The following XXYLT1 variants were observed in gnomAD, a reference collection of about 807,000 sequenced individuals.
The protein encoded by XXYLT1 is UDP-xylose:alpha-xyloside alpha-1,3-xylosyltransferase.
XXYLT1 carries 20 observed loss-of-function variants against 28.9 expected under a neutral mutation model. That is an observed-to-expected ratio of 0.69 (90% CI 0.49 to 1.00). The LOEUF is 1.00. XXYLT1 is among the 50% of genes least tolerant of loss of function. The pLI is 0.00. For missense variants in XXYLT1, 542 were observed against 560.1 expected, an observed-to-expected ratio of 0.97 and a Z score of 0.33; for synonymous variants, 257 against 253.8, an observed-to-expected ratio of 1.01 and a Z score of -0.12.
chr3:195,071,859 G>C (rs193102978), intron 3 of XXYLT1, among the ~76,000 whole-genome samples: 10 of 152,120 alleles, frequency 6.6e-5, no homozygotes, highest in African/African-American at 2.4e-4. Context: ...CAAGGAGCTC[G>C]ATTTACCCTT....
In XXYLT1 at chr3:195,195,501, C is replaced by T. The variant is rs981170865; in HGVS notation, c.652+31208G>A. Among the ~76,000 whole-genome samples the T allele has an allele frequency of 6.6e-6, 1 of 152,150 alleles. No homozygotes were observed. Among genetic ancestry groups the T allele is most frequent in the Non-Finnish European group, 1.5e-5 (1 of 68,032 alleles). On this transcript the variant is annotated intron_variant, in intron 2 of 3. Transcript: ENST00000310380. The surrounding 1 kb of genome is among the most constrained non-coding windows in gnomAD (Gnocchi z 4.4). Reference sequence around the variant, plus strand: ...TTCTTCCACTGGACAGAGCCTCTTTCAGCTTTAAAAAAATAAAAGGACTCT... The same window carrying T: ...TTCTTCCACTGGACAGAGCCTCTTTTAGCTTTAAAAAAATAAAAGGACTCT...
chr3:195,099,374 T>C (rs912480100), intron 3 of XXYLT1, among the ~76,000 whole-genome samples: 3 of 152,034 alleles, frequency 2.0e-5, no homozygotes, highest in African/African-American at 4.8e-5. Context: ...AGCACACACA[T>C]TACAGTGCCT....
At chr3:195,106,435 C>T (rs1717091008) in intron 3 of XXYLT1, among the ~76,000 whole-genome samples, 1 of 152,094 alleles carries the variant, frequency 6.6e-6, no homozygotes, top group African/African-American at 2.4e-5. Context: ...CCGCACACAC[C>T]CTCTCTCACT....
chr3:195,074,254 C>A (rs1460335158), intron 3 of XXYLT1, among the ~76,000 whole-genome samples: 2 of 152,212 alleles, frequency 1.3e-5, no homozygotes, highest in African/African-American at 2.4e-5. Flanking sequence ...AGGCTGTAGA[C>A]TGTCAGGCAA....
intron 1 of XXYLT1, among the ~76,000 whole-genome samples, chr3:195,252,741 G>C (rs1372563313): frequency 2.0e-5 from 3 of 150,144 alleles, no homozygotes; most frequent in South Asian, 2.1e-4. Flanking sequence ...GAGAGAGAGA[G>C]AGAGAGAGAG....
intron 1 of XXYLT1, among the ~76,000 whole-genome samples, chr3:195,244,741 G>A (rs1174067845): frequency 3.7e-4 from 41 of 109,452 alleles, no homozygotes; most frequent in East Asian, 2.9e-4. Flanking sequence ...CAGCCTGGGC[G>A]ACAGAGCAAG....
At position 195,270,281 on chromosome 3, in the gene XXYLT1, G is replaced by A. The variant is rs1725974421; in HGVS notation, c.504+274C>T. ...CAACGTTAGCAAAATGGGGGCGCGCGGACTCTCCTGGGGGCTGCGCTTAAC... is the reference window on the plus strand; with the variant it reads ...CAACGTTAGCAAAATGGGGGCGCGCAGACTCTCCTGGGGGCTGCGCTTAAC... On this transcript the variant is annotated intron_variant, in intron 1 of 3. Transcript: ENST00000310380. 5.8e-6 allele frequency: 4 copies of A among 686,606 alleles called. No homozygotes were observed. The African/African-American group carries it at 7.4e-5, about 13-fold the overall frequency. 42.5% of individuals were successfully genotyped at this position (686,606 alleles called of 1,614,324 possible).
chr3:195,198,629 T>G (rs1377325479), intron 2 of XXYLT1, among the ~76,000 whole-genome samples: 1 of 152,170 alleles, frequency 6.6e-6, no homozygotes, highest in Admixed American at 6.5e-5. Context: ...CACAAACTGA[T>G]AGTATTATTT....
At position 195,173,196 on chromosome 3, in the gene XXYLT1, C is replaced by T. The variant is rs1029299190; in HGVS notation, c.653-16615G>A. The stretch of plus-strand genomic sequence containing the variant: ...GCTCACCCTGAGAGATGTCATAGAG[C>T]TCTCCCACTAGGGAACCGCATCTCC... On this transcript the variant is annotated intron_variant, in intron 2 of 3. Transcript: ENST00000310380. This position sits in a 1 kb window ranked among gnomAD's most constrained non-coding sequence, Gnocchi z 4.3. Among the ~76,000 whole-genome samples, 3 of 152,230 alleles carry T rather than the reference C, an allele frequency of 2.0e-5. No homozygotes were observed. Among genetic ancestry groups the T allele is most frequent in the Admixed American group, 1.3e-4 (2 of 15,280 alleles).
chr3:195,218,954 GC>G (rs1222576047), intron 2 of XXYLT1, among the ~76,000 whole-genome samples: 1 of 151,146 alleles, frequency 6.6e-6, no homozygotes, highest in African/African-American at 2.4e-5. Flanking sequence ...AGAAAATGTG[GC>G]ACATATACAC....
chr3:195,222,704 T>C (rs145300405), intron 2 of XXYLT1, among the ~76,000 whole-genome samples: 29 of 152,136 alleles, frequency 1.9e-4, no homozygotes, highest in Admixed American at 1.7e-3. Flanking sequence ...ATTCAAAAAA[T>C]TTTCAAAGAC....
At chr3:195,229,333 AATC>A in intron 1 of XXYLT1, among the ~76,000 whole-genome samples, 1 of 152,206 alleles carries the variant, frequency 6.6e-6, no homozygotes, top group Non-Finnish European at 1.5e-5. Flanking sequence ...AATGCATAAT[AATC>A]ATATCAAGGT....
At chr3:195,186,368 A>C (rs1722196528) in intron 2 of XXYLT1, among the ~76,000 whole-genome samples, 1 of 152,158 alleles carries the variant, frequency 6.6e-6, no homozygotes, top group Non-Finnish European at 1.5e-5. Flanking sequence ...TGCAAATCCC[A>C]CTGTCCCCAG....
At chr3:195,101,948 AGGGAG>A (rs1270455579) in intron 3 of XXYLT1, among the ~76,000 whole-genome samples, 2 of 74,210 alleles carry the variant, frequency 2.7e-5, no homozygotes, top group African/African-American at 1.2e-4. Context: ...GGGAAGGGAA[AGGGAG>A]GGGAGGGGAG....
At chr3:195,267,898 A>G (rs534090612) in intron 1 of XXYLT1, among the ~76,000 whole-genome samples, 12 of 152,346 alleles carry the variant, frequency 7.9e-5, no homozygotes, top group Admixed American at 4.6e-4. Flanking sequence ...TTAAATCACA[A>G]GTAAAATGAA....
intron 2 of XXYLT1, among the ~76,000 whole-genome samples, chr3:195,158,071 G>C (rs1720694728): frequency 6.6e-6 from 1 of 152,164 alleles, no homozygotes; most frequent in Non-Finnish European, 1.5e-5. Flanking sequence ...GGATAATTTT[G>C]CTCTAACTAA....
intron 3 of XXYLT1, among the ~76,000 whole-genome samples, chr3:195,119,579 C>T (rs1237227713): frequency 6.6e-6 from 1 of 152,060 alleles, no homozygotes; most frequent in Non-Finnish European, 1.5e-5. Flanking sequence ...ACTCCTAGCC[C>T]GGGCCCCGCA....
rs1721503321 is a variant in XXYLT1, at chr3:195,173,344, C to T, written c.653-16763G>A. 6.6e-6 allele frequency among the ~76,000 whole-genome samples: 1 copy of T among 152,162 alleles called. No homozygotes were observed. Among genetic ancestry groups the T allele is most frequent in the Non-Finnish European group, 1.5e-5 (1 of 68,038 alleles). On this transcript the variant is annotated intron_variant, in intron 2 of 3. Coordinates refer to ENST00000310380, the MANE Select transcript of XXYLT1 (RefSeq NM_152531.5). This position sits in a 1 kb window ranked among gnomAD's most constrained non-coding sequence, Gnocchi z 4.3. ...TCAGGGAAAGACGCAGCGTCTCCTC[C>T]CCCAGCATCTGCCTGGCCATTATGG... is the stretch of plus-strand genomic sequence containing the variant.
At chr3:195,101,959 G>T (rs1716803919) in intron 3 of XXYLT1, among the ~76,000 whole-genome samples, 1 of 47,812 alleles carries the variant, frequency 2.1e-5, no homozygotes, top group Non-Finnish European at 4.8e-5. Flanking sequence ...GGGAGGGGAG[G>T]GGAGGGGACG....
Sources: allele counts gnomAD v4.1 joint callset (sites outside exome capture counted in the v4.1 genomes callset), GRCh38; gene constraint gnomAD v4.1.1; non-coding constraint Gnocchi (gnomAD v3.1); transcripts MANE v1.5; gene names NCBI Gene and HGNC (gene_info 2026-07-23, HGNC 2026-07-21).